The following CYTH3 variants were observed in gnomAD, a reference collection of about 807,000 sequenced individuals.
CYTH3 encodes cytohesin 3, also known as cytohesin-3.
CYTH3 carries 23 observed loss-of-function variants against 55.1 expected under a neutral mutation model. The ratio of observed to expected loss-of-function variants is 0.42; its 90% CI spans 0.30 to 0.59. The LOEUF is 0.59. CYTH3 is among the 20% of genes least tolerant of loss of function. The pLI is 0.20. For synonymous variants in CYTH3, 249 were observed against 194.9 expected (o/e 1.28, Z -2.31); for missense variants, 413 against 524.8 (o/e 0.79, Z 2.08).
chr7:6,259,468 C>T (rs759413052), intron 1 of CYTH3, among the ~76,000 whole-genome samples: 1 of 151,714 alleles, frequency 6.6e-6, no homozygotes, highest in Non-Finnish European at 1.5e-5. Flanking sequence ...TCTTGGCCAA[C>T]TGAAATTGAC....
At chr7:6,217,952 G>A (rs892272254) in intron 1 of CYTH3, among the ~76,000 whole-genome samples, 3 of 152,172 alleles carry the variant, frequency 2.0e-5, no homozygotes, top group South Asian at 2.1e-4. Flanking sequence ...GAAGGCCGAG[G>A]TGGGCAGATC....
intron 1 of CYTH3, among the ~76,000 whole-genome samples, chr7:6,192,081 C>T (rs1783815220): frequency 6.6e-6 from 1 of 152,034 alleles, no homozygotes; most frequent in Non-Finnish European, 1.5e-5. Context: ...CTGGGCAACA[C>T]AGAATCTGTG....
chr7:6,217,520 TA>T (rs1784454284), intron 1 of CYTH3, among the ~76,000 whole-genome samples: 1 of 152,190 alleles, frequency 6.6e-6, no homozygotes, highest in Non-Finnish European at 1.5e-5. Context: ...ATAGCAATTC[TA>T]AATGTATATG....
intron 4 of CYTH3, among the ~76,000 whole-genome samples, chr7:6,185,459 G>A (rs971288575): frequency 2.6e-5 from 4 of 152,138 alleles, no homozygotes; most frequent in African/African-American, 7.2e-5. Flanking sequence ...CACTTTGGGA[G>A]GCCAAGGTGG....
chr7:6,173,530 C>A, intron 6 of CYTH3, 123 bp downstream of exon 6: 1 of 712,526 alleles, frequency 1.4e-6, no homozygotes, highest in Non-Finnish European at 2.6e-6. Context: ...GGAAAAGGAG[C>A]CAGCATCTGT....
intron 1 of CYTH3, among the ~76,000 whole-genome samples, chr7:6,193,415 T>C (rs1475375292): frequency 3.3e-5 from 5 of 149,278 alleles, no homozygotes; most frequent in Admixed American, 3.3e-4. Flanking sequence ...ACTAAAACTG[T>C]AGTAATCATA....
intron 1 of CYTH3, among the ~76,000 whole-genome samples, chr7:6,247,346 T>C (rs1410555801): frequency 6.6e-6 from 1 of 152,228 alleles, no homozygotes; most frequent in African/African-American, 2.4e-5. Flanking sequence ...TGCAGGGTAC[T>C]CTCTTGCTCT....
chr7:6,175,054 A>AT (rs1783308554), intron 5 of CYTH3, among the ~76,000 whole-genome samples: 1 of 152,250 alleles, frequency 6.6e-6, no homozygotes, highest in Non-Finnish European at 1.5e-5. Context: ...CAGTATGATA[A>AT]CTGGTCCTTA....
intron 1 of CYTH3, among the ~76,000 whole-genome samples, chr7:6,249,962 T>C (rs1303176517): frequency 6.6e-6 from 1 of 152,166 alleles, no homozygotes; most frequent in East Asian, 1.9e-4. Flanking sequence ...TCTCCAGAAT[T>C]TATTCATCTT....
At chr7:6,247,258 T>A (rs1283810000) in intron 1 of CYTH3, among the ~76,000 whole-genome samples, 1 of 152,256 alleles carries the variant, frequency 6.6e-6, no homozygotes, top group Non-Finnish European at 1.5e-5. Context: ...CACTATTTTC[T>A]GGCAATGTTA....
At chr7:6,253,647 C>G (rs532166874) in intron 1 of CYTH3, among the ~76,000 whole-genome samples, 1 of 152,062 alleles carries the variant, frequency 6.6e-6, no homozygotes, top group African/African-American at 2.4e-5. Flanking sequence ...GAAACCCTAT[C>G]TCTACTAAAA....
At chr7:6,224,856 C>T (rs924541121) in intron 1 of CYTH3, among the ~76,000 whole-genome samples, 2 of 152,206 alleles carry the variant, frequency 1.3e-5, no homozygotes, top group African/African-American at 2.4e-5. Flanking sequence ...TTTCCTGACA[C>T]TGGGATATTC....
At chr7:6,191,753 G>C (rs1783809223) in intron 1 of CYTH3, among the ~76,000 whole-genome samples, 1 of 151,928 alleles carries the variant, frequency 6.6e-6, no homozygotes, top group Non-Finnish European at 1.5e-5. Flanking sequence ...AAATCACAAA[G>C]GAAAATATTA....
chr7:6,177,725 C>CT, intron 5 of CYTH3, 98 bp downstream of exon 5: 1 of 965,172 alleles, frequency 1.0e-6, no homozygotes, highest in South Asian at 1.4e-5. Context: ...TCTATCATGC[C>CT]TTTAGGCTGT....
intron 1 of CYTH3, among the ~76,000 whole-genome samples, chr7:6,231,042 C>G (rs1779380343): frequency 6.6e-6 from 1 of 152,202 alleles, no homozygotes; most frequent in African/African-American, 2.4e-5. Flanking sequence ...ACTCGGCTCC[C>G]TGAGTTACCC....
chr7:6,187,825 C>A, intron 2 of CYTH3, 104 bp from the exon 3 acceptor site: 1 of 913,722 alleles, frequency 1.1e-6, no homozygotes, highest in Non-Finnish European at 1.8e-6. Context: ...TGCGGTCTCA[C>A]CGGAGCATCA....
chr7:6,165,149 T>C (rs1016277369), intron 12 of CYTH3, 124 bp downstream of exon 12: 44 of 1,553,264 alleles, frequency 2.8e-5, no homozygotes, highest in Non-Finnish European at 3.4e-5. Context: ...AGCCCGGCCC[T>C]CTGGGGTTTC....
At chr7:6,216,011 G>T (rs999874839) in intron 1 of CYTH3, among the ~76,000 whole-genome samples, 1 of 152,210 alleles carries the variant, frequency 6.6e-6, no homozygotes, top group Non-Finnish European at 1.5e-5. Flanking sequence ...AAAACAACTT[G>T]TCACCAGTAG....
chr7:6,241,616 C>A (rs1389883856), intron 1 of CYTH3, among the ~76,000 whole-genome samples: 1 of 151,486 alleles, frequency 6.6e-6, no homozygotes, highest in Non-Finnish European at 1.5e-5. Context: ...TTCTCTACAA[C>A]ATAATAGCGA....
Sources: gnomAD v4.1 joint callset for allele counts (sites outside exome capture counted in the v4.1 genomes callset) on GRCh38, gnomAD v4.1.1 for gene constraint, MANE v1.5 for transcripts, NCBI Gene and HGNC (gene_info 2026-07-23, HGNC 2026-07-21) for gene names.